Variants in FNBP1 observed in about 807,000 individuals in gnomAD.
The protein encoded by FNBP1 is formin-binding protein 1.
Under a neutral mutation model 90.6 loss-of-function variants are expected in FNBP1, and 26 were observed. The observed-to-expected ratio is 0.29, with a 90% confidence interval of 0.21 to 0.40. FNBP1 has a LOEUF of 0.40. FNBP1 is among the 10% of genes least tolerant of loss of function. The pLI is 1.00. For synonymous variants in FNBP1, 260 were observed against 265.2 expected, an observed-to-expected ratio of 0.98 and a Z score of 0.19; for missense variants, 635 against 768.0, an observed-to-expected ratio of 0.83 and a Z score of 2.05.
At chr9:129,958,816 A>G (rs1040200663) in intron 4 of FNBP1, among the ~76,000 whole-genome samples, 5 of 151,286 alleles carry the variant, frequency 3.3e-5, no homozygotes, top group African/African-American at 1.2e-4. Flanking sequence ...CCCCCACTCT[A>G]CAAAAAAATA....
In FNBP1 at chr9:130,042,040, G is replaced by C. The variant is rs1456615992; in HGVS notation, c.24+912C>G. Among the ~76,000 whole-genome samples, 2 of 151,936 alleles carry C rather than the reference G, an allele frequency of 1.3e-5. No homozygotes were observed. The highest frequency in any genetic ancestry group is 2.9e-5 in the Non-Finnish European group (2 of 67,990). On this transcript the variant is annotated intron_variant, in intron 1 of 16. Coordinates refer to ENST00000446176, the MANE Select transcript of FNBP1 (RefSeq NM_015033.3). This position sits in a 1 kb window ranked among gnomAD's most constrained non-coding sequence, Gnocchi z 5.5. ...CGGGCCGCCGCACTGCCCATCCCCT[G>C]CCCAGTGATTTCCCCAGGAATCCGG...
At chr9:129,954,581 C>T (rs1343497847) in intron 6 of FNBP1, among the ~76,000 whole-genome samples, 1 of 151,774 alleles carries the variant, frequency 6.6e-6, no homozygotes, top group Admixed American at 6.6e-5. Flanking sequence ...TGTAATTGAC[C>T]ACGTTAATGA....
chr9:129,941,679 G>A lies in FNBP1; in HGVS notation c.514-11984C>T, dbSNP rs541619048. On this transcript the variant is annotated intron_variant, in intron 6 of 16. Transcript: ENST00000446176. ...AAGGTCTTCCTACGTTGCCCAGCCTGGTCTCGAACTCCTGGGCTCAAGTGA... is the reference window on the plus strand; with the variant it reads ...AAGGTCTTCCTACGTTGCCCAGCCTAGTCTCGAACTCCTGGGCTCAAGTGA... Among the ~76,000 whole-genome samples, 21 of 152,194 alleles carry A rather than the reference G, an allele frequency of 1.4e-4. No individual in the cohort carries two copies. In the South Asian group the frequency reaches 4.1e-3, roughly 30 times the overall value.
At chr9:129,988,677 G>A (rs1165366108) in intron 2 of FNBP1, among the ~76,000 whole-genome samples, 3 of 151,670 alleles carry the variant, frequency 2.0e-5, no homozygotes, top group South Asian at 2.1e-4. Flanking sequence ...ACTCCATCTC[G>A]AAGAGAAAAA....
At chr9:130,012,030 G>A (rs987937207) in intron 1 of FNBP1, among the ~76,000 whole-genome samples, 1 of 152,190 alleles carries the variant, frequency 6.6e-6, no homozygotes, top group Non-Finnish European at 1.5e-5. Flanking sequence ...GAGGCTTTGT[G>A]CTATTGGCCA....
intron 8 of FNBP1, 111 bp downstream of exon 8, chr9:129,927,084 A>C: frequency 8.9e-7 from 1 of 1,126,406 alleles, no homozygotes; most frequent in Non-Finnish European, 1.3e-6. Flanking sequence ...TGTGACCACC[A>C]AAAGCAACCA....
intron 4 of FNBP1, among the ~76,000 whole-genome samples, chr9:129,975,205 C>T (rs1383147047): frequency 6.6e-6 from 1 of 152,136 alleles, no homozygotes; most frequent in East Asian, 1.9e-4. Flanking sequence ...GGCAACAGAG[C>T]GAGACTCCGT....
Position 129,890,605 on chromosome 9 carries a change from C to T in FNBP1, c.1847-59G>A. The T allele has an allele frequency of 6.6e-7, 1 of 1,504,838 alleles. No individual in the cohort carries two copies. The highest frequency in any genetic ancestry group is 1.4e-5 in the African/African-American group (1 of 72,264). 93.2% of individuals were successfully genotyped at this position (1,504,838 alleles called of 1,614,324 possible). A position where few individuals can be genotyped will look rare whatever the true frequency, so the allele number is the denominator to read the frequency against. ...TCTGTTAGAGAGGAAGGCGCGGGTT[C>T]CAGGCGGGCATTTTGCTCTTGGCTA... On this transcript the variant is annotated intron_variant, in intron 16 of 16. Coordinates refer to ENST00000446176, the MANE Select transcript of FNBP1 (RefSeq NM_015033.3). This position sits in a 1 kb window ranked among gnomAD's most constrained non-coding sequence, Gnocchi z 5.8.
intron 1 of FNBP1, among the ~76,000 whole-genome samples, chr9:130,005,556 T>C (rs993947177): frequency 6.6e-6 from 1 of 152,116 alleles, no homozygotes. Flanking sequence ...TTAGCAAGGA[T>C]GGTCTTGATC....
chr9:129,957,042 CT>C lies in FNBP1; in HGVS notation c.513+317del, dbSNP rs34387590. 3.1e-4 allele frequency among the ~76,000 whole-genome samples: 45 copies of C among 143,766 alleles called. No homozygotes were observed. The highest frequency in any genetic ancestry group is 3.6e-3 in the Middle Eastern group (1 of 278). The allele number at this position is 143,766 out of a possible 152,430, so 94.3% of individuals were successfully genotyped here. A position where few individuals can be genotyped will look rare whatever the true frequency, so the allele number is the denominator to read the frequency against. On this transcript the variant is annotated intron_variant, in intron 6 of 16. Coordinates refer to ENST00000446176, the MANE Select transcript of FNBP1 (RefSeq NM_015033.3). This position sits in a 1 kb window ranked among gnomAD's most constrained non-coding sequence, Gnocchi z 4.3. ...AAGACACACTTGAGCTTTCTTTTGT[CT>C]TTTTTTTTTTTTGGCGATAGTTTCG...
At chr9:129,940,729 C>T (rs1018787509) in intron 6 of FNBP1, among the ~76,000 whole-genome samples, 3 of 152,012 alleles carry the variant, frequency 2.0e-5, no homozygotes, top group Admixed American at 6.6e-5. Flanking sequence ...CGGGTTCAAG[C>T]GATTCTCCTG....
At chr9:129,947,448 A>AAAAAAAGAAAAG (rs1204848435) in intron 6 of FNBP1, among the ~76,000 whole-genome samples, 26 of 151,220 alleles carry the variant, frequency 1.7e-4, no homozygotes, top group Non-Finnish European at 3.4e-4. Flanking sequence ...CTCAAAAAAA[A>AAAAAAAGAAAAG]AAAAGAAAAG....
chr9:130,034,531 T>A (rs555907615), intron 1 of FNBP1, among the ~76,000 whole-genome samples: 5 of 152,196 alleles, frequency 3.3e-5, no homozygotes, highest in Non-Finnish European at 5.9e-5. Flanking sequence ...CGCCAAGACA[T>A]ACTTCTGTTG....
chr9:129,977,879 A>G (rs1046756895), intron 4 of FNBP1, among the ~76,000 whole-genome samples: 8 of 152,068 alleles, frequency 5.3e-5, no homozygotes, highest in African/African-American at 1.7e-4. Context: ...TGATACCCTG[A>G]AATATATTTA....
At chr9:129,903,351 G>A (rs1054083577) in intron 12 of FNBP1, among the ~76,000 whole-genome samples, 2 of 151,746 alleles carry the variant, frequency 1.3e-5, no homozygotes, top group East Asian at 3.9e-4. Context: ...CGCACCACCC[G>A]GCAAAGGTTA....
chr9:129,914,779 A>ATATATC (rs2039988010), intron 11 of FNBP1: 1 of 141,412 alleles, frequency 7.1e-6, no homozygotes, highest in African/African-American at 2.7e-5. Flanking sequence ...ATATATATAT[A>ATATATC]TATATATATA....
intron 16 of FNBP1, chr9:129,895,624 T>C (rs993831460): frequency 1.6e-6 from 2 of 1,238,090 alleles, no homozygotes; most frequent in African/African-American, 1.6e-5. Context: ...TAAAATTTCA[T>C]CAGCAAGTGA....
At chr9:130,027,865 G>A (rs2058487606) in intron 1 of FNBP1, among the ~76,000 whole-genome samples, 1 of 151,978 alleles carries the variant, frequency 6.6e-6, no homozygotes, top group Admixed American at 6.6e-5. Context: ...GGTTTTAAAA[G>A]TAAGTATCCT....
intron 4 of FNBP1, among the ~76,000 whole-genome samples, chr9:129,965,119 A>G (rs189521289): frequency 1.4e-4 from 21 of 152,312 alleles, no homozygotes; most frequent in African/African-American, 4.6e-4. Flanking sequence ...TAATTGAGCT[A>G]GAACTCTAAG....
Sources: allele counts gnomAD v4.1 joint callset (sites outside exome capture counted in the v4.1 genomes callset), GRCh38; gene constraint gnomAD v4.1.1; non-coding constraint Gnocchi (gnomAD v3.1); transcripts MANE v1.5; gene names NCBI Gene and HGNC (gene_info 2026-07-23, HGNC 2026-07-21).